MTOR: variants seen among roughly 807,000 people sequenced by gnomAD.
MTOR encodes the protein mechanistic target of rapamycin kinase, also known as serine/threonine-protein kinase mTOR.
MTOR carries 70 observed loss-of-function variants against 319.8 expected under a neutral mutation model. That is an observed-to-expected ratio of 0.22 (90% CI 0.18 to 0.27). The LOEUF (loss-of-function observed/expected upper bound fraction) is 0.27. Among genes scored for constraint, MTOR ranks in the 10% least tolerant of loss-of-function variants. MTOR has a pLI of 1.00. For synonymous variants in MTOR, 1,183 were observed against 1,211.4 expected (o/e 0.98, Z 0.49); for missense variants, 1,890 against 3,274.4 (o/e 0.58, Z 10.32).
At chr1:11,261,687 T>C (rs1255121324) in intron 1 of MTOR, among the ~76,000 whole-genome samples, 1 of 151,978 alleles carries the variant, frequency 6.6e-6, no homozygotes, top group Non-Finnish European at 1.5e-5. Flanking sequence ...AATACTCCAC[T>C]GCCAAGAAGA....
intron 11 of MTOR, among the ~76,000 whole-genome samples, chr1:11,239,234 C>G (rs1003181970): frequency 2.0e-5 from 3 of 152,114 alleles, no homozygotes; most frequent in Admixed American, 2.0e-4. Flanking sequence ...CCAACTCAAC[C>G]CCTTACATTC....
In MTOR at chr1:11,257,146, T is replaced by G; in HGVS notation, c.291A>C (p.Glu97Asp). Residue 97 changes from glutamate to aspartate, a missense_variant, in exon 4 of 58, where the codon GAA becomes GAC. Physicochemically the swap from Glu to Asp is conservative, Grantham distance 45. This residue lies in a region of MTOR where 81 missense variants were observed against 203.6 expected (regional missense o/e 0.40). Transcript: ENST00000361445. ...ILAIASLIGV[E>D]GGNATRIGRF... ...TGCCAATTCGGGTGGCATTCCCACC[T>G]TCCACTCCTATGAGGCTAGCTGCAA... The G allele has an allele frequency of 6.2e-7, 1 of 1,613,202 alleles. No individual in the cohort carries two copies. The highest frequency in any genetic ancestry group is 8.5e-7 in the Non-Finnish European group (1 of 1,179,640).
chr1:11,234,341 T>C (rs1647123723), intron 13 of MTOR, 76 bp from the exon 14 acceptor site: 1 of 1,511,978 alleles, frequency 6.6e-7, no homozygotes, highest in Middle Eastern at 1.8e-4. Flanking sequence ...ACAGAAAAAG[T>C]GGCAGGGAAC....
chr1:11,195,069 A>G (rs1315287830), intron 28 of MTOR: 1 of 1,590,840 alleles, frequency 6.3e-7, no homozygotes, highest in Non-Finnish European at 8.6e-7. Context: ...AGACACGTGG[A>G]GACTGGATGA....
Position 11,257,158 on chromosome 1 carries a change from G to T in MTOR, c.279C>A (p.Leu93=). 1 of 1,612,260 alleles carries T rather than the reference G, an allele frequency of 6.2e-7. No individual in the cohort carries two copies. Among genetic ancestry groups the T allele is most frequent in the Non-Finnish European group, 8.5e-7 (1 of 1,179,164 alleles). Residue 93 remains leucine (L), a synonymous_variant, in exon 4 of 58, where the codon CTC becomes CTA. Coordinates refer to ENST00000361445, the MANE Select transcript of MTOR (RefSeq NM_004958.4). The part of the protein sequence containing the change: ...RKGGILAIAS[L]IGVEGGNATR... ...TGGCATTCCCACCTTCCACTCCTAT[G>T]AGGCTAGCTGCAAAAGAGAGGAAGG...
Position 11,244,296 on chromosome 1 carries a change from TA to T in MTOR, c.1226-997del, listed in dbSNP as rs35865993. 8.8e-3 allele frequency among the ~76,000 whole-genome samples: 783 copies of T among 88,974 alleles called. 3 individuals carry two copies. Among genetic ancestry groups the T allele is most frequent in the Middle Eastern group, 0.013 (1 of 80 alleles). The allele number at this position is 88,974 out of a possible 152,430, so 58.4% of individuals were successfully genotyped here. ...AACAAGAGCAAAACTACATCTCATT[TA>T]AAAAAAAAAAAAAAAAAAAGACCCC... On this transcript the variant is annotated intron_variant, in intron 8 of 57. Coordinates refer to ENST00000361445, the MANE Select transcript of MTOR (RefSeq NM_004958.4).
Position 11,108,278 on chromosome 1 carries a change from A to G in MTOR, c.7537T>C (p.Phe2513Leu). Residue 2513 changes from phenylalanine (F) to leucine (L), a missense_variant, in exon 57 of 58, where the codon TTC becomes CTC. Transcript: ENST00000361445. ...ACATCCAAAGTGTCATCATGAGAGA[A>G]GTCCCGACCTAGCACAGGAGGAACA... ...RVRDKLTGRDFSHDDTLDVPT... is the reference protein window; with the variant it reads ...RVRDKLTGRDLSHDDTLDVPT... 1 of 1,613,690 alleles carries G rather than the reference A, an allele frequency of 6.2e-7. No individual in the cohort carries two copies. Among genetic ancestry groups the G allele is most frequent in the East Asian group, 2.2e-5 (1 of 44,880 alleles).
chr1:11,160,929 C>G (rs1644457785), intron 29 of MTOR, among the ~76,000 whole-genome samples: 1 of 152,086 alleles, frequency 6.6e-6, no homozygotes. Flanking sequence ...GCTTGTCGGA[C>G]AGTGGGTGCA....
At chr1:11,245,978 T>C (rs977071556) in intron 8 of MTOR, among the ~76,000 whole-genome samples, 2 of 152,190 alleles carry the variant, frequency 1.3e-5, no homozygotes, top group East Asian at 3.8e-4. Flanking sequence ...AATCTGACTG[T>C]AGAGATTCTA....
intron 28 of MTOR, among the ~76,000 whole-genome samples, chr1:11,180,408 G>A (rs1033832208): frequency 5.3e-5 from 8 of 152,192 alleles, no homozygotes; most frequent in Admixed American, 4.6e-4. Context: ...AGTGGGTTTT[G>A]TTTGCCCATT....
intron 30 of MTOR, among the ~76,000 whole-genome samples, chr1:11,154,197 A>G (rs887801279): frequency 6.6e-6 from 1 of 150,458 alleles, no homozygotes; most frequent in African/African-American, 2.5e-5. Context: ...AACAACAACA[A>G]CAGCTTTAGT....
chr1:11,178,542 C>T (rs1251385885), intron 28 of MTOR, among the ~76,000 whole-genome samples: 2 of 152,238 alleles, frequency 1.3e-5, no homozygotes, highest in African/African-American at 2.4e-5. Flanking sequence ...TACTTGTCAA[C>T]ACTTCTTGAC....
chr1:11,228,905 A>G lies in MTOR; in HGVS notation c.2793T>C (p.Thr931=), dbSNP rs2100856882. ...TTCCCATGTTGACCAGCATTTCACT[A>G]GTGCTATAGTCAGCTAGGACAAAAC... ...KSSQDSSDYS[T]SEMLVNMGNL... Residue 931 remains threonine, a synonymous_variant, in exon 19 of 58, where the codon ACT becomes ACC. Coordinates refer to ENST00000361445, the MANE Select transcript of MTOR (RefSeq NM_004958.4). 1 of 1,614,180 alleles carries G rather than the reference A, an allele frequency of 6.2e-7. No homozygotes were observed. Among genetic ancestry groups the G allele is most frequent in the South Asian group, 1.1e-5 (1 of 91,090 alleles).
At chr1:11,141,403 T>C (rs527975990) in intron 34 of MTOR, among the ~76,000 whole-genome samples, 5 of 149,772 alleles carry the variant, frequency 3.3e-5, no homozygotes, top group Non-Finnish European at 7.4e-5. Flanking sequence ...GGGATCGTTC[T>C]TGTCTCCCAG....
intron 28 of MTOR, among the ~76,000 whole-genome samples, chr1:11,178,071 A>ACCAGCC (rs1645042326): frequency 2.0e-5 from 3 of 152,184 alleles, no homozygotes; most frequent in Non-Finnish European, 4.4e-5. Context: ...CCACTGATAG[A>ACCAGCC]TCCCATGGCT....
At chr1:11,221,610 C>T (rs939033475) in intron 19 of MTOR, among the ~76,000 whole-genome samples, 4 of 150,958 alleles carry the variant, frequency 2.6e-5, no homozygotes, top group Admixed American at 1.3e-4. Context: ...GAAAGTCTAC[C>T]GGGCCATGTA....
intron 30 of MTOR, among the ~76,000 whole-genome samples, chr1:11,155,083 T>C (rs1644275345): frequency 6.6e-6 from 1 of 152,178 alleles, no homozygotes; most frequent in Admixed American, 6.5e-5. Flanking sequence ...TAGTGAAAGA[T>C]CATTCTTTTA....
intron 15 of MTOR, chr1:11,232,824 A>ACCG (rs1647065974): frequency 3.4e-5 from 17 of 504,874 alleles, no homozygotes; most frequent in East Asian, 1.4e-4. Context: ...GCAGTGAGCC[A>ACCG]AGATCACACC....
At chr1:11,130,399 G>A (rs1557756441) in intron 39 of MTOR, 130 bp downstream of exon 39, 6 of 1,395,058 alleles carry the variant, frequency 4.3e-6, no homozygotes, top group African/African-American at 1.4e-5. Context: ...ATGGTAGATA[G>A]GCAGTATTTT....
Sources: allele counts gnomAD v4.1 joint callset (sites outside exome capture counted in the v4.1 genomes callset), GRCh38; gene constraint gnomAD v4.1.1; regional missense constraint gnomAD v4.1.1; transcripts MANE v1.5; gene names NCBI Gene and HGNC (gene_info 2026-07-23, HGNC 2026-07-21).